Variants in TRPM3 observed in about 807,000 individuals in gnomAD.
The protein encoded by TRPM3 is transient receptor potential cation channel subfamily M member 3.
In TRPM3, 77 loss-of-function variants were observed where a neutral mutation model predicts 181.2. The observed-to-expected ratio is 0.42, with a 90% confidence interval of 0.35 to 0.51. The LOEUF (loss-of-function observed/expected upper bound fraction) is 0.51, where lower values mean the gene tolerates loss of function less well. Ranked by LOEUF, TRPM3 falls within the 20% of genes least tolerant of loss-of-function variation. TRPM3 has a pLI of 0.01. For missense variants in TRPM3, 1,759 were observed against 2,196.7 expected (o/e 0.80, Z 3.98); for synonymous variants, 745 against 796.4 (o/e 0.94, Z 1.09).
intron 20 of TRPM3, 43 bp downstream of exon 20, chr9:70,603,299 A>G: frequency 6.3e-7 from 1 of 1,598,318 alleles, no homozygotes. Flanking sequence ...ATAGAACTTA[A>G]CCACTGTCTT....
chr9:70,814,682 A>G (rs2092511131), intron 6 of TRPM3, among the ~76,000 whole-genome samples: 1 of 152,084 alleles, frequency 6.6e-6, no homozygotes, highest in African/African-American at 2.4e-5. Flanking sequence ...TTTTGTTTTA[A>G]AAGGAGAAGC....
chr9:70,901,614 A>G (rs904295397), intron 1 of TRPM3, among the ~76,000 whole-genome samples: 1 of 152,198 alleles, frequency 6.6e-6, no homozygotes, highest in African/African-American at 2.4e-5. Flanking sequence ...TTCCAAATAA[A>G]TTGCAAATAA....
intron 1 of TRPM3, among the ~76,000 whole-genome samples, chr9:71,134,302 C>G (rs776891172): frequency 6.6e-6 from 1 of 151,988 alleles, no homozygotes; most frequent in Non-Finnish European, 1.5e-5. Flanking sequence ...CAGTGGCTCA[C>G]GCCTGTAATC....
At chr9:71,403,451 T>C (rs900368676) in intron 1 of TRPM3, among the ~76,000 whole-genome samples, 3 of 152,172 alleles carry the variant, frequency 2.0e-5, no homozygotes, top group East Asian at 1.9e-4. Context: ...AAAAGGAATA[T>C]ACTTGTTTCT....
In TRPM3 at chr9:70,619,078, G is replaced by T; in HGVS notation, c.2147C>A (p.Ala716Asp). 6.2e-7 allele frequency: 1 copy of T among 1,613,244 alleles called. No individual in the cohort carries two copies. Among genetic ancestry groups the T allele is most frequent in the East Asian group, 2.2e-5 (1 of 44,860 alleles). Residue 716 changes from alanine to aspartate, a missense_variant, in exon 17 of 26, where the codon GCT becomes GAT. Physicochemically the swap from Ala to Asp is moderately radical, Grantham distance 126 (BLOSUM62 -2). Transcript: ENST00000677713. ...NHNSRDFGQLAVELLDQSYKQ... is the reference protein window; with the variant it reads ...NHNSRDFGQLDVELLDQSYKQ... ...GTAGGACTGGTCCAGGAGCTCCACA[G>T]CCAGCTGGCCAAAGTCTCTGAAAGA...
intron 8 of TRPM3, among the ~76,000 whole-genome samples, chr9:70,689,894 T>C (rs1208220453): frequency 6.6e-6 from 1 of 152,188 alleles, no homozygotes; most frequent in Non-Finnish European, 1.5e-5. Context: ...GCTGAGTTAG[T>C]CACAGACTTT....
intron 22 of TRPM3, among the ~76,000 whole-genome samples, chr9:70,569,775 G>A (rs1564368308): frequency 6.6e-6 from 1 of 152,180 alleles, no homozygotes; most frequent in Non-Finnish European, 1.5e-5. Flanking sequence ...GGTTTACAGG[G>A]CCAGCTGGGT....
chr9:71,370,469 T>C (rs2092473165), intron 1 of TRPM3, among the ~76,000 whole-genome samples: 1 of 150,278 alleles, frequency 6.7e-6, no homozygotes, highest in African/African-American at 2.5e-5. Flanking sequence ...GTTTTAGTGG[T>C]CTGGATAGAA....
rs200225723 is a variant in TRPM3 at position 71,389,973 on chromosome 9, T to TA, written c.183+56679dup. On this transcript the variant is annotated intron_variant, in intron 1 of 24. Transcript: ENST00000357533. ...CCAATAACTTATGGAAAAATAAAAT[T>TA]AAAAAAAACTTATTTGGAAAATATT... 8.4e-3 allele frequency among the ~76,000 whole-genome samples: 1,272 copies of TA among 151,900 alleles called. 9 individuals carry two copies. Among genetic ancestry groups the TA allele is most frequent in the Admixed American group, 0.018 (274 of 15,226 alleles).
At chr9:70,778,791 C>G (rs750355880) in intron 7 of TRPM3, among the ~76,000 whole-genome samples, 9 of 152,058 alleles carry the variant, frequency 5.9e-5, no homozygotes, top group Non-Finnish European at 1.3e-4. Context: ...GGGTTTGACA[C>G]CCTTCAGCTT....
chr9:70,781,433 G>A (rs976483889), intron 7 of TRPM3, among the ~76,000 whole-genome samples: 5 of 151,730 alleles, frequency 3.3e-5, no homozygotes, highest in African/African-American at 4.8e-5. Context: ...CCCATGACAC[G>A]GGGTTGATCA....
At chr9:71,302,285 A>G (rs114434694) in intron 1 of TRPM3, among the ~76,000 whole-genome samples, 1 of 152,308 alleles carries the variant, frequency 6.6e-6, no homozygotes, top group African/African-American at 2.4e-5. Flanking sequence ...ATATTAGTAA[A>G]TACTTCATTT....
intron 1 of TRPM3, among the ~76,000 whole-genome samples, chr9:71,050,566 T>C (rs566285745): frequency 7.9e-5 from 12 of 152,350 alleles, no homozygotes; most frequent in African/African-American, 2.6e-4. Context: ...TGATGTTATG[T>C]ATATTTTTCC....
intron 1 of TRPM3, among the ~76,000 whole-genome samples, chr9:71,276,718 T>C (rs1554860759): frequency 6.6e-6 from 1 of 152,176 alleles, no homozygotes; most frequent in Non-Finnish European, 1.5e-5. Flanking sequence ...GATATGTAAA[T>C]GAGTAAAACT....
intron 1 of TRPM3, among the ~76,000 whole-genome samples, chr9:71,322,244 A>G (rs912593164): frequency 2.0e-5 from 3 of 152,106 alleles, no homozygotes; most frequent in African/African-American, 7.2e-5. Context: ...TTAACTCCCT[A>G]AAGATTTTAG....
intron 1 of TRPM3, among the ~76,000 whole-genome samples, chr9:71,036,767 C>T (rs565516714): frequency 2.0e-5 from 3 of 152,284 alleles, no homozygotes; most frequent in African/African-American, 4.8e-5. Context: ...TTGTGCAAAA[C>T]GACAGCATGG....
chr9:71,032,263 A>G (rs1183734695), intron 1 of TRPM3, among the ~76,000 whole-genome samples: 1 of 139,694 alleles, frequency 7.2e-6, no homozygotes, highest in Admixed American at 7.7e-5. Flanking sequence ...AGTGAAGAGC[A>G]GAATAAGAGG....
chr9:71,275,579 A>G (rs2084139223), intron 1 of TRPM3, among the ~76,000 whole-genome samples: 1 of 152,130 alleles, frequency 6.6e-6, no homozygotes. Flanking sequence ...TATAATATGT[A>G]GGGAATTATG....
intron 5 of TRPM3, among the ~76,000 whole-genome samples, chr9:70,833,096 G>A (rs2131804218): frequency 6.6e-6 from 1 of 152,308 alleles, no homozygotes; most frequent in Admixed American, 6.5e-5. Context: ...AATTGAGTCT[G>A]GACAGCCTGT....
Sources: allele counts gnomAD v4.1 joint callset (sites outside exome capture counted in the v4.1 genomes callset), GRCh38; gene constraint gnomAD v4.1.1; transcripts MANE v1.5; gene names NCBI Gene and HGNC (gene_info 2026-07-23, HGNC 2026-07-21).